PHF20L1: variants seen among roughly 807,000 people sequenced by gnomAD.
PHF20L1 encodes PHD finger protein 20 like 1, also known as PHD finger protein 20-like protein 1.
In PHF20L1, 44 loss-of-function variants were observed where a neutral mutation model predicts 125.5. The ratio of observed to expected loss-of-function variants is 0.35; its 90% CI spans 0.28 to 0.45. PHF20L1 has a LOEUF of 0.45. Among genes scored for constraint, PHF20L1 ranks in the 20% least tolerant of loss-of-function variants. PHF20L1 has a pLI of 1.00. For missense variants in PHF20L1, 1,012 were observed against 1,217.2 expected (o/e 0.83, Z 2.51); for synonymous variants, 380 against 403.1 (o/e 0.94, Z 0.69).
chr8:132,780,175 A>G (rs1830266101), intron 2 of PHF20L1, among the ~76,000 whole-genome samples: 2 of 152,174 alleles, frequency 1.3e-5, no homozygotes, highest in South Asian at 4.1e-4. Context: ...TAATGTCAGT[A>G]GTTTCAAGAA....
At chr8:132,829,189 TCA>T (rs1836508867) in intron 14 of PHF20L1, among the ~76,000 whole-genome samples, 1 of 152,068 alleles carries the variant, frequency 6.6e-6, no homozygotes, top group African/African-American at 2.4e-5. Context: ...GAGATTTCTT[TCA>T]TTGTTTTTAC....
At position 132,811,136 on chromosome 8, in the gene PHF20L1, A is replaced by G; in HGVS notation, c.930+8A>G. Reference sequence around the variant, plus strand: ...GCTCCAATGCTGGAGCAGGTATGAAATGGTAGCATTTGATTTTTTTCAAGG... The same window carrying G: ...GCTCCAATGCTGGAGCAGGTATGAAGTGGTAGCATTTGATTTTTTTCAAGG... On this transcript the variant is annotated splice_region_variant and intron_variant, in intron 9 of 20. Coordinates refer to ENST00000395386, the MANE Select transcript of PHF20L1 (RefSeq NM_016018.5). 2 of 1,612,162 alleles carry G rather than the reference A, an allele frequency of 1.2e-6. No homozygotes were observed. Among genetic ancestry groups the G allele is most frequent in the Non-Finnish European group, 1.7e-6 (2 of 1,178,404 alleles).
chr8:132,811,339 C>T, intron 9 of PHF20L1: 1 of 1,252,034 alleles, frequency 8.0e-7, no homozygotes, highest in Non-Finnish European at 1.0e-6. Flanking sequence ...GCATTAAAGC[C>T]TTTGTCTCCA....
intron 14 of PHF20L1, among the ~76,000 whole-genome samples, chr8:132,830,882 C>T (rs1245794230): frequency 6.6e-6 from 1 of 152,020 alleles, no homozygotes; most frequent in Admixed American, 6.6e-5. Flanking sequence ...CTCTTCAGCC[C>T]CATCTCATAC....
intron 12 of PHF20L1, chr8:132,818,543 TTATA>T (rs1052349533): frequency 1.3e-5 from 2 of 151,918 alleles, no homozygotes; most frequent in Admixed American, 1.3e-4. Context: ...ATTTTTATCT[TTATA>T]TAAAGGTTGA....
chr8:132,837,126 A>C (rs1837445348), intron 16 of PHF20L1, among the ~76,000 whole-genome samples: 2 of 152,170 alleles, frequency 1.3e-5, no homozygotes. Flanking sequence ...TTCTTAAAGG[A>C]AAAATTTTGT....
At chr8:132,781,498 C>T (rs955964919) in intron 2 of PHF20L1, among the ~76,000 whole-genome samples, 6 of 152,210 alleles carry the variant, frequency 3.9e-5, no homozygotes, top group South Asian at 4.1e-4. Flanking sequence ...CTGCAACCTC[C>T]GCTCGCTGCA....
At chr8:132,835,450 A>G (rs1837250783) in intron 15 of PHF20L1, among the ~76,000 whole-genome samples, 1 of 152,076 alleles carries the variant, frequency 6.6e-6, no homozygotes, top group South Asian at 2.1e-4. Flanking sequence ...GTGTTCCATC[A>G]TCATTTACTT....
chr8:132,824,310 C>A, intron 13 of PHF20L1: 1 of 323,858 alleles, frequency 3.1e-6, no homozygotes, highest in Non-Finnish European at 5.6e-6. Context: ...ATGATCATCC[C>A]TAGTCAAAAT....
intron 9 of PHF20L1, 75 bp downstream of exon 9, chr8:132,811,203 T>C (rs1395685983): frequency 2.5e-6 from 4 of 1,595,512 alleles, no homozygotes; most frequent in Admixed American, 1.7e-5. Flanking sequence ...TCTACGTAAT[T>C]GAAATTCCCC....
rs561532920 is a variant in PHF20L1, at chr8:132,790,109, A to G, written c.84-4301A>G. 5.3e-5 allele frequency among the ~76,000 whole-genome samples: 8 copies of G among 152,312 alleles called. No individual in the cohort carries two copies. The South Asian group carries it at 1.7e-3, about 32-fold the overall frequency. On this transcript the variant is annotated intron_variant, in intron 2 of 20. Coordinates refer to ENST00000395386, the MANE Select transcript of PHF20L1 (RefSeq NM_016018.5). The stretch of plus-strand genomic sequence containing the variant: ...CCTATGATTCAACCTTTAAAAAATG[A>G]CAAAACAACAACATTAACACTACAG...
intron 14 of PHF20L1, among the ~76,000 whole-genome samples, chr8:132,828,792 A>G (rs1836469159): frequency 1.3e-5 from 2 of 152,080 alleles, no homozygotes; most frequent in Admixed American, 1.3e-4. Flanking sequence ...CTGTAAATAT[A>G]AGGATACTGC....
intron 15 of PHF20L1, among the ~76,000 whole-genome samples, chr8:132,832,743 G>A (rs76495221): frequency 0.02 from 3,048 of 152,068 alleles, 105 homozygotes; most frequent in African/African-American, 0.071. Context: ...GTAGCTTTTC[G>A]GCTTAGCTAG....
chr8:132,820,914 G>C (rs1025069802), intron 12 of PHF20L1, among the ~76,000 whole-genome samples: 50 of 151,688 alleles, frequency 3.3e-4, no homozygotes, highest in African/African-American at 1.2e-3. Context: ...AGTTATTCTT[G>C]TATTAAAAGA....
chr8:132,797,726 A>G (rs1389731105), intron 4 of PHF20L1, among the ~76,000 whole-genome samples: 1 of 152,042 alleles, frequency 6.6e-6, no homozygotes, highest in African/African-American at 2.4e-5. Flanking sequence ...TTATAGAAAG[A>G]AATAAAATCA....
At chr8:132,807,400 A>G (rs1187740536) in intron 8 of PHF20L1, 1 of 163,546 alleles carries the variant, frequency 6.1e-6, no homozygotes, top group Non-Finnish European at 1.3e-5. Context: ...ATGTCAAGGG[A>G]ATAAAGGAAA....
intron 19 of PHF20L1, 98 bp from the exon 20 acceptor site, chr8:132,844,054 CACTA>C (rs1429636664): frequency 9.8e-6 from 15 of 1,532,790 alleles, no homozygotes; most frequent in South Asian, 7.7e-5. Flanking sequence ...GATTGGATCT[CACTA>C]ACTGTTACCA....
rs943588768 is a variant in PHF20L1 at position 132,775,598 on chromosome 8, G to T, written c.-85G>T. The T allele has an allele frequency of 5.8e-6, 2 of 347,206 alleles. No homozygotes were observed. The highest frequency in any genetic ancestry group is 4.3e-5 in the African/African-American group (2 of 46,484). The allele number at this position is 347,206 out of a possible 1,614,324, so 21.5% of individuals were successfully genotyped here. ...GGCTGGCCGCCCTGCTCGTGCCCCA[G>T]CTCGGCCCCGGACGGCCCGGCTGCT... On this transcript the variant is annotated 5_prime_UTR_variant, in exon 1 of 21. Coordinates refer to ENST00000395386, the MANE Select transcript of PHF20L1 (RefSeq NM_016018.5).
Position 132,777,921 on chromosome 8 carries a change from A to G in PHF20L1, c.83+10A>G, listed in dbSNP as rs1830005160. On this transcript the variant is annotated intron_variant, in intron 2 of 20. Coordinates refer to ENST00000395386, the MANE Select transcript of PHF20L1 (RefSeq NM_016018.5). ...ACTACTTACAAAAATGGTATGGAAAATATAGAACTTTCACCTAAATATCAC... is the reference window on the plus strand; with the variant it reads ...ACTACTTACAAAAATGGTATGGAAAGTATAGAACTTTCACCTAAATATCAC... 1.3e-6 allele frequency: 2 copies of G among 1,537,990 alleles called. No individual in the cohort carries two copies. The highest frequency in any genetic ancestry group is 2.2e-5 in the South Asian group (2 of 89,088).
Sources: gnomAD v4.1 joint callset for allele counts (sites outside exome capture counted in the v4.1 genomes callset) on GRCh38, gnomAD v4.1.1 for gene constraint, MANE v1.5 for transcripts, NCBI Gene and HGNC (gene_info 2026-07-23, HGNC 2026-07-21) for gene names.